DPP10: variants seen among roughly 807,000 people sequenced by gnomAD.
DPP10 encodes dipeptidyl peptidase like 10.
In DPP10, 33 loss-of-function variants were observed where a neutral mutation model predicts 120.9. The observed-to-expected ratio is 0.27, with a 90% CI of 0.21 to 0.37. The LOEUF is 0.37. DPP10 is among the 10% of genes least tolerant of loss of function. DPP10 has a pLI of 1.00. For missense variants in DPP10, 816 were observed against 942.8 expected (o/e 0.87, Z 1.76); for synonymous variants, 337 against 326.1 (o/e 1.03, Z -0.36).
intron 5 of DPP10, among the ~76,000 whole-genome samples, chr2:115,589,540 T>TATG: frequency 6.6e-6 from 1 of 152,246 alleles, no homozygotes; most frequent in East Asian, 1.9e-4. Flanking sequence ...AAATATAACT[T>TATG]ATGAACAATT....
chr2:115,394,254 G>A (rs2067513393), intron 3 of DPP10, among the ~76,000 whole-genome samples: 1 of 152,042 alleles, frequency 6.6e-6, no homozygotes, highest in Non-Finnish European at 1.5e-5. Context: ...AAGGACAACA[G>A]TTTATTCACA....
In DPP10 at chr2:115,415,841, TTATATATA is replaced by T. The variant is rs70941057; in HGVS notation, c.271+71957_271+71964del. On this transcript the variant is annotated intron_variant, in intron 3 of 25. Transcript: ENST00000410059. ...ATCTGTCTTTATACCTGATTTGCTTTTATATATATATATATATATATATATATATATAT... is the reference window on the plus strand; with the variant it reads ...ATCTGTCTTTATACCTGATTTGCTTTTATATATATATATATATATATATAT... 5.2e-3 allele frequency among the ~76,000 whole-genome samples: 390 copies of T among 74,294 alleles called. 6 individuals are homozygous for T. Among genetic ancestry groups the T allele is most frequent in the African/African-American group, 0.017 (338 of 19,532 alleles). The allele number at this position is 74,294 out of a possible 152,430, so 48.7% of individuals were successfully genotyped here.
At chr2:114,898,635 T>C (rs1436651769) in intron 1 of DPP10, among the ~76,000 whole-genome samples, 1 of 152,188 alleles carries the variant, frequency 6.6e-6, no homozygotes, top group Non-Finnish European at 1.5e-5. Flanking sequence ...TACATAGCAC[T>C]GAAATGTCTA....
chr2:114,977,531 T>C (rs1699827757), intron 1 of DPP10, among the ~76,000 whole-genome samples: 1 of 152,178 alleles, frequency 6.6e-6, no homozygotes, highest in Non-Finnish European at 1.5e-5. Context: ...CTCCATTCTC[T>C]TCTTCGAAAC....
chr2:114,856,060 A>G (rs35135873), intron 1 of DPP10, among the ~76,000 whole-genome samples: 2 of 152,176 alleles, frequency 1.3e-5, no homozygotes, highest in African/African-American at 4.8e-5. Flanking sequence ...AAAGGCTATA[A>G]CAAAAAAAGA....
At chr2:115,441,813 C>A (rs1043494627) in intron 3 of DPP10, among the ~76,000 whole-genome samples, 1 of 136,394 alleles carries the variant, frequency 7.3e-6, no homozygotes, top group African/African-American at 3.0e-5. Flanking sequence ...TTTTTTCTTT[C>A]TTTCTTTTTT....
intron 1 of DPP10, among the ~76,000 whole-genome samples, chr2:115,152,024 C>A (rs1175434569): frequency 6.6e-6 from 1 of 151,196 alleles, no homozygotes; most frequent in Non-Finnish European, 1.5e-5. Context: ...ATGTTTTTTT[C>A]ATGTGTTGCA....
chr2:115,572,112 G>A (rs2081367690), intron 5 of DPP10, among the ~76,000 whole-genome samples: 1 of 151,932 alleles, frequency 6.6e-6, no homozygotes, highest in African/African-American at 2.4e-5. Flanking sequence ...CACCTGGGTT[G>A]CCATAGAGAT....
chr2:114,877,979 A>C (rs1383274492), intron 1 of DPP10, among the ~76,000 whole-genome samples: 1 of 152,094 alleles, frequency 6.6e-6, no homozygotes, highest in Non-Finnish European at 1.5e-5. Context: ...TGGAGAAAGA[A>C]GGCTGCTGGG....
At chr2:115,293,917 G>C (rs185965192) in intron 1 of DPP10, among the ~76,000 whole-genome samples, 2 of 152,090 alleles carry the variant, frequency 1.3e-5, no homozygotes, top group East Asian at 3.9e-4. Context: ...TGTCTTCCCT[G>C]ACAGCCAAGT....
chr2:114,444,833 A>T (rs567834445), intron 1 of DPP10, among the ~76,000 whole-genome samples: 1 of 152,184 alleles, frequency 6.6e-6, no homozygotes, highest in Non-Finnish European at 1.5e-5. Context: ...GGAGCAAAAA[A>T]ATGCTTGTGA....
At chr2:114,782,738 T>A (rs1380931194) in intron 1 of DPP10, among the ~76,000 whole-genome samples, 1 of 152,134 alleles carries the variant, frequency 6.6e-6, no homozygotes, top group South Asian at 2.1e-4. Flanking sequence ...GTTAACTGCA[T>A]CCTTAAAATA....
chr2:115,545,792 T>G (rs2079464493), intron 5 of DPP10, among the ~76,000 whole-genome samples: 1 of 152,086 alleles, frequency 6.6e-6, no homozygotes, highest in Admixed American at 6.6e-5. Flanking sequence ...GAGCTGCCTA[T>G]TTGTTGGTTG....
In DPP10 at chr2:115,845,105, T is replaced by A. The variant is rs1477738436; in HGVS notation, c.*2760T>A. On this transcript the variant is annotated 3_prime_UTR_variant, in exon 26 of 26. Coordinates refer to ENST00000410059, the MANE Select transcript of DPP10 (RefSeq NM_020868.6). The stretch of plus-strand genomic sequence containing the variant: ...GACTTAGACATTGGGCTTTACCATA[T>A]TAGAGAATTACTTAAGCCATTGTCC... 6.6e-6 allele frequency: 1 copy of A among 152,204 alleles called. No individual in the cohort carries two copies. Among genetic ancestry groups the A allele is most frequent in the Non-Finnish European group, 1.5e-5 (1 of 68,030 alleles). 9.4% of individuals were successfully genotyped at this position (152,204 alleles called of 1,614,324 possible).
intron 1 of DPP10, among the ~76,000 whole-genome samples, chr2:114,475,656 A>C (rs1680312193): frequency 6.6e-6 from 1 of 152,210 alleles, no homozygotes; most frequent in African/African-American, 2.4e-5. Context: ...TCTCATGGAC[A>C]CTAAATTTTG....
At chr2:115,508,356 G>A (rs988362454) in intron 4 of DPP10, among the ~76,000 whole-genome samples, 6 of 151,384 alleles carry the variant, frequency 4.0e-5, no homozygotes, top group South Asian at 2.2e-4. Context: ...AGAGAAAATA[G>A]GAGAGCTCCT....
intron 1 of DPP10, among the ~76,000 whole-genome samples, chr2:115,094,810 C>A (rs1452058891): frequency 1.3e-5 from 2 of 151,812 alleles, no homozygotes; most frequent in Non-Finnish European, 2.9e-5. Flanking sequence ...CTATAAACAG[C>A]CAGATAATAA....
intron 5 of DPP10, among the ~76,000 whole-genome samples, chr2:115,573,276 ATTTTT>A (rs34420249): frequency 1.2e-5 from 1 of 86,526 alleles, no homozygotes. Context: ...GCTTCCTGGG[ATTTTT>A]TTTTTTTTTT....
intron 1 of DPP10, among the ~76,000 whole-genome samples, chr2:114,493,286 TG>T (rs997376814): frequency 3.3e-5 from 5 of 151,984 alleles, no homozygotes; most frequent in Non-Finnish European, 5.9e-5. Context: ...AGGACAGGGA[TG>T]GTGGGCAGAG....
Sources: allele counts gnomAD v4.1 joint callset (sites outside exome capture counted in the v4.1 genomes callset), GRCh38; gene constraint gnomAD v4.1.1; transcripts MANE v1.5; gene names NCBI Gene and HGNC (gene_info 2026-07-23, HGNC 2026-07-21).